The following STAC variants were observed in gnomAD, a reference collection of about 807,000 sequenced individuals.
STAC encodes SH3 and cysteine rich domain.
A neutral mutation model predicts 48.8 loss-of-function variants in STAC; 43 were observed. The observed-to-expected ratio is 0.88, with a 90% confidence interval of 0.69 to 1.14. The LOEUF (loss-of-function observed/expected upper bound fraction) is 1.14, where lower values mean the gene tolerates loss of function less well. STAC is among the 50% of genes most tolerant of loss of function. STAC has a pLI of 0.00. For synonymous variants in STAC, 193 were observed against 179.5 expected (o/e 1.07, Z -0.60); for missense variants, 497 against 504.0 (o/e 0.99, Z 0.13).
At chr3:36,398,320 C>CAAGAAAGAAAGAAAGCAAGAAAGA (rs1699898808) in intron 1 of STAC, among the ~76,000 whole-genome samples, 16 of 82,164 alleles carry the variant, frequency 1.9e-4, no homozygotes, top group African/African-American at 6.7e-4. Context: ...AGAAAGAAAG[C>CAAGAAAGAAAGAAAGCAAGAAAGA]AAGAAAGAAA....
intron 10 of STAC, among the ~76,000 whole-genome samples, chr3:36,541,479 G>T (rs1298012537): frequency 6.6e-6 from 1 of 152,204 alleles, no homozygotes; most frequent in African/African-American, 2.4e-5. Flanking sequence ...TTGCCCAGCT[G>T]AAATGGTGAG....
intron 10 of STAC, among the ~76,000 whole-genome samples, chr3:36,541,116 C>G (rs1306527004): frequency 6.6e-6 from 1 of 152,076 alleles, no homozygotes; most frequent in African/African-American, 2.4e-5. Context: ...GCTGCAGCCA[C>G]TCCAGGAATC....
chr3:36,534,581 AT>A (rs113192200), intron 10 of STAC, among the ~76,000 whole-genome samples: 15,943 of 149,900 alleles, frequency 0.11, 1,060 homozygotes, highest in Non-Finnish European at 0.15. Context: ...TAATTATTGT[AT>A]TTTTTTTTTG....
Position 36,455,268 on chromosome 3 carries a change from G to T in STAC, c.388+11628G>T, listed in dbSNP as rs188609946. The stretch of plus-strand genomic sequence containing the variant: ...AGGAAGAAATAGAAATATTGCCCAG[G>T]TCAGAAGGACAGGAGGAGAAATTAT... On this transcript the variant is annotated intron_variant, in intron 2 of 10. Coordinates refer to ENST00000273183, the MANE Select transcript of STAC (RefSeq NM_003149.3). 8.5e-5 allele frequency among the ~76,000 whole-genome samples: 13 copies of T among 152,254 alleles called. No individual in the cohort carries two copies. In the East Asian group the frequency reaches 1.9e-3, roughly 23 times the overall value.
chr3:36,471,323 T>G (rs900218144), intron 2 of STAC, among the ~76,000 whole-genome samples: 2 of 152,154 alleles, frequency 1.3e-5, no homozygotes, highest in African/African-American at 4.8e-5. Context: ...CCACAACACA[T>G]GGGAATTCTG....
chr3:36,444,178 T>C (rs1344952740), intron 2 of STAC, among the ~76,000 whole-genome samples: 2 of 152,172 alleles, frequency 1.3e-5, no homozygotes, highest in Admixed American at 1.3e-4. Context: ...CAAGGCTTGT[T>C]CTTGTTTTCA....
At chr3:36,434,229 G>A (rs550002600) in intron 1 of STAC, among the ~76,000 whole-genome samples, 3 of 152,294 alleles carry the variant, frequency 2.0e-5, no homozygotes, top group South Asian at 2.1e-4. Flanking sequence ...GTCAATGCAC[G>A]AGGGCTATTA....
intron 5 of STAC, among the ~76,000 whole-genome samples, chr3:36,491,751 C>A (rs1400468354): frequency 6.6e-6 from 1 of 151,458 alleles, no homozygotes; most frequent in South Asian, 2.1e-4. Flanking sequence ...TGGTGGCTCA[C>A]GCCTATAATC....
chr3:36,509,534 T>A (rs915824666), intron 8 of STAC, among the ~76,000 whole-genome samples: 2 of 152,194 alleles, frequency 1.3e-5, no homozygotes, highest in African/African-American at 2.4e-5. Context: ...CACTTTCAGG[T>A]ACACCAATCA....
In STAC at chr3:36,453,907, A is replaced by G. The variant is rs970999869; in HGVS notation, c.388+10267A>G. On this transcript the variant is annotated intron_variant, in intron 2 of 10. Coordinates refer to ENST00000273183, the MANE Select transcript of STAC (RefSeq NM_003149.3). ...TAGCTCAGGGTTTGTGAATGCACCA[A>G]TTGACACTCTGTATCTAGCTACTCT... Among the ~76,000 whole-genome samples, 3 of 152,228 alleles carry G rather than the reference A, an allele frequency of 2.0e-5. No individual in the cohort carries two copies. The East Asian group carries it at 5.8e-4, about 29-fold the overall frequency.
chr3:36,398,690 AAAAGAAAGAAAG>A (rs550062269), intron 1 of STAC, among the ~76,000 whole-genome samples: 14 of 140,892 alleles, frequency 9.9e-5, no homozygotes, highest in African/African-American at 3.4e-4. Context: ...AGAAAGAAAG[AAAAGAAAGAAAG>A]AAAGAAAGAG....
chr3:36,520,719 C>T, intron 8 of STAC, among the ~76,000 whole-genome samples: 1 of 152,186 alleles, frequency 6.6e-6, no homozygotes, highest in East Asian at 1.9e-4. Flanking sequence ...GCATATTATG[C>T]TCTGATGCTG....
At chr3:36,382,614 G>A (rs1004560051) in intron 1 of STAC, among the ~76,000 whole-genome samples, 6 of 152,144 alleles carry the variant, frequency 3.9e-5, no homozygotes, top group Admixed American at 2.6e-4. Flanking sequence ...GAAATTGAAT[G>A]CAATATTGTA....
At chr3:36,485,901 G>A (rs1159178792) in intron 4 of STAC, 3 of 374,124 alleles carry the variant, frequency 8.0e-6, no homozygotes, top group East Asian at 4.7e-5. Context: ...CAATCAGGAA[G>A]AATTCGGGAG....
At chr3:36,440,722 G>T (rs1414959106) in intron 1 of STAC, among the ~76,000 whole-genome samples, 3 of 152,196 alleles carry the variant, frequency 2.0e-5, no homozygotes, top group Non-Finnish European at 4.4e-5. Flanking sequence ...AAAGGGGAGA[G>T]AACTGCAGTC....
chr3:36,428,844 C>T (rs1423415359), intron 1 of STAC, among the ~76,000 whole-genome samples: 1 of 152,132 alleles, frequency 6.6e-6, no homozygotes, highest in Non-Finnish European at 1.5e-5. Context: ...TACAGAGAAA[C>T]TATGCTAAGG....
chr3:36,503,428 T>TTTGTTA (rs1458480301), intron 6 of STAC, among the ~76,000 whole-genome samples: 2 of 152,044 alleles, frequency 1.3e-5, no homozygotes, highest in Non-Finnish European at 2.9e-5. Context: ...TTTTTGTTTT[T>TTTGTTA]TTGTTTTTGT....
chr3:36,428,391 CAGAA>C (rs1379454295), intron 1 of STAC, among the ~76,000 whole-genome samples: 1 of 152,110 alleles, frequency 6.6e-6, no homozygotes, highest in Admixed American at 6.5e-5. Flanking sequence ...ATCTGGATGT[CAGAA>C]AGAACAATAA....
intron 1 of STAC, among the ~76,000 whole-genome samples, chr3:36,381,980 A>G (rs1397609685): frequency 6.6e-6 from 1 of 152,186 alleles, no homozygotes; most frequent in Non-Finnish European, 1.5e-5. Flanking sequence ...TTCCAGAGAC[A>G]TTGTGAGGAG....
Sources: gnomAD v4.1 joint callset for allele counts (sites outside exome capture counted in the v4.1 genomes callset) on GRCh38, gnomAD v4.1.1 for gene constraint, MANE v1.5 for transcripts, NCBI Gene and HGNC (gene_info 2026-07-23, HGNC 2026-07-21) for gene names.